TNPO3: variants seen among roughly 807,000 people sequenced by gnomAD.
The protein encoded by TNPO3 is transportin 3.
In TNPO3, 65 loss-of-function variants were observed where a neutral mutation model predicts 122.8. The observed-to-expected ratio is 0.53, with a 90% CI of 0.43 to 0.65. The LOEUF (loss-of-function observed/expected upper bound fraction) is 0.65, where lower values mean the gene tolerates loss of function less well. Among genes scored for constraint, TNPO3 ranks in the 30% least tolerant of loss-of-function variants. The pLI is 0.00. For missense variants in TNPO3, 850 were observed against 1,136.7 expected (o/e 0.75, Z 3.63); for synonymous variants, 372 against 411.2 (o/e 0.90, Z 1.15).
In TNPO3 at chr7:129,000,551, G is replaced by A. The variant is rs748488079; in HGVS notation, c.889C>T (p.Arg297Cys). The A allele has an allele frequency of 1.3e-5, 21 of 1,613,480 alleles. No homozygotes were observed. Among genetic ancestry groups the A allele is most frequent in the Admixed American group, 6.7e-5 (4 of 59,938 alleles). ...EDLDKVLNYC[R>C]IFTELCETFL... ...GTTTCACATAGTTCAGTGAAAATAC[G>A]GCAGTAATTCAGAACTCTGTAGAAG... The change falls in exon 7 of 23, where the codon CGT becomes TGT. Residue 297 changes from arginine (R) to cysteine (C), a missense_variant. Transcript: ENST00000265388.
intron 5 of TNPO3, among the ~76,000 whole-genome samples, chr7:129,001,763 C>T (rs1285057677): frequency 6.6e-6 from 1 of 152,172 alleles, no homozygotes; most frequent in Non-Finnish European, 1.5e-5. Context: ...CCTTATATGT[C>T]AAGCAAATCA....
chr7:128,961,238 G>A (rs960760978), intron 21 of TNPO3, among the ~76,000 whole-genome samples: 3 of 152,022 alleles, frequency 2.0e-5, no homozygotes, highest in Non-Finnish European at 4.4e-5. Flanking sequence ...TCCATTCATG[G>A]TAAGTGCCCT....
At chr7:128,971,787 T>C (rs760824256) in intron 19 of TNPO3, among the ~76,000 whole-genome samples, 1 of 152,232 alleles carries the variant, frequency 6.6e-6, no homozygotes, top group Non-Finnish European at 1.5e-5. Context: ...ATTCTACCTC[T>C]AATTCATGGC....
At chr7:128,984,066 T>A (rs1345964716) in intron 13 of TNPO3, 102 bp downstream of exon 13, 6 of 642,458 alleles carry the variant, frequency 9.3e-6, no homozygotes, top group Non-Finnish European at 1.5e-5. Context: ...TTTCTTGGAT[T>A]TTCTAGGTAG....
intron 4 of TNPO3, among the ~76,000 whole-genome samples, chr7:129,005,409 C>T (rs955143390): frequency 1.3e-5 from 2 of 152,140 alleles, no homozygotes; most frequent in Admixed American, 6.5e-5. Flanking sequence ...CTAAATACAA[C>T]TTATCTACTT....
intron 7 of TNPO3, among the ~76,000 whole-genome samples, chr7:128,998,863 A>AT (rs1801624828): frequency 2.7e-5 from 4 of 148,002 alleles, no homozygotes; most frequent in South Asian, 4.4e-4. Flanking sequence ...TTATTTATTT[A>AT]TTTTTTTTGA....
chr7:128,986,477 C>T (rs1286707357), intron 12 of TNPO3, among the ~76,000 whole-genome samples: 1 of 152,158 alleles, frequency 6.6e-6, no homozygotes, highest in Non-Finnish European at 1.5e-5. Context: ...GTTGTCTCTA[C>T]CCAAATCTAG....
At chr7:128,991,173 A>G (rs997063096) in intron 10 of TNPO3, among the ~76,000 whole-genome samples, 19 of 152,232 alleles carry the variant, frequency 1.2e-4, no homozygotes, top group Admixed American at 1.1e-3. Flanking sequence ...AGTGTGGTAC[A>G]TAATTAAGGA....
At chr7:128,989,888 A>G in intron 11 of TNPO3, 73 bp downstream of exon 11, 2 of 1,550,410 alleles carry the variant, frequency 1.3e-6, no homozygotes, top group African/African-American at 2.7e-5. Flanking sequence ...AAACACATGC[A>G]AAAGTAAGAG....
intron 1 of TNPO3, among the ~76,000 whole-genome samples, chr7:129,052,561 G>T (rs1213369031): frequency 6.6e-6 from 1 of 152,222 alleles, no homozygotes; most frequent in African/African-American, 2.4e-5. Flanking sequence ...ATGTAAGGTT[G>T]TAATAGAGTA....
At chr7:129,026,767 A>G (rs1388312852) in intron 1 of TNPO3, among the ~76,000 whole-genome samples, 1 of 152,082 alleles carries the variant, frequency 6.6e-6, no homozygotes, top group Non-Finnish European at 1.5e-5. Context: ...TGTACTTTAT[A>G]TACAATTTTT....
At chr7:129,051,357 C>CT (rs34186175) in intron 1 of TNPO3, among the ~76,000 whole-genome samples, 66 of 138,474 alleles carry the variant, frequency 4.8e-4, no homozygotes, top group Non-Finnish European at 7.3e-4. Flanking sequence ...GGTGTGGTGA[C>CT]TTTTTTTTTT....
intron 21 of TNPO3, among the ~76,000 whole-genome samples, chr7:128,958,943 G>A (rs1475134559): frequency 6.6e-6 from 1 of 152,190 alleles, no homozygotes; most frequent in East Asian, 1.9e-4. Flanking sequence ...GGTTGAGGTT[G>A]CAGTGAGCCA....
At chr7:129,020,203 G>A (rs934604632) in intron 1 of TNPO3, among the ~76,000 whole-genome samples, 4 of 151,840 alleles carry the variant, frequency 2.6e-5, no homozygotes, top group Admixed American at 1.3e-4. Context: ...AGCATGAGGT[G>A]TTAACTTCTT....
chr7:128,968,319 T>C (rs1469542382), intron 20 of TNPO3, among the ~76,000 whole-genome samples: 2 of 152,164 alleles, frequency 1.3e-5, no homozygotes, highest in Non-Finnish European at 2.9e-5. Context: ...ACTTATATAT[T>C]TTTTATATAA....
chr7:129,053,626 A>C (rs1364743647), intron 1 of TNPO3, among the ~76,000 whole-genome samples: 1 of 152,180 alleles, frequency 6.6e-6, no homozygotes, highest in Admixed American at 6.5e-5. Context: ...AGCACCTTTA[A>C]GTATCAGTTA....
At chr7:129,013,825 G>T (rs1300834285) in intron 4 of TNPO3, among the ~76,000 whole-genome samples, 2 of 152,146 alleles carry the variant, frequency 1.3e-5, no homozygotes, top group African/African-American at 2.4e-5. Flanking sequence ...CAGCAACATG[G>T]ACGGCACTGT....
intron 12 of TNPO3, 145 bp from the exon 13 acceptor site, chr7:128,984,404 A>T: frequency 2.0e-6 from 1 of 502,118 alleles, no homozygotes; most frequent in Non-Finnish European, 3.5e-6. Flanking sequence ...TAAAATGACA[A>T]CACTTTGTTA....
intron 1 of TNPO3, among the ~76,000 whole-genome samples, chr7:129,049,187 C>G (rs1224386136): frequency 1.3e-5 from 2 of 152,152 alleles, no homozygotes; most frequent in Non-Finnish European, 2.9e-5. Context: ...AAGGCGGCAT[C>G]CACTCTACCC....
Sources: gnomAD v4.1 joint callset for allele counts (sites outside exome capture counted in the v4.1 genomes callset) on GRCh38, gnomAD v4.1.1 for gene constraint, MANE v1.5 for transcripts, NCBI Gene and HGNC (gene_info 2026-07-23, HGNC 2026-07-21) for gene names.